Variants in OPCML observed in about 807,000 individuals in gnomAD.
The protein encoded by OPCML is opioid-binding protein/cell adhesion molecule.
Under a neutral mutation model 37.8 loss-of-function variants are expected in OPCML, and 13 were observed. The ratio of observed to expected loss-of-function variants is 0.34; its 90% CI spans 0.22 to 0.55. OPCML has a LOEUF of 0.55. Among genes scored for constraint, OPCML ranks in the 20% least tolerant of loss-of-function variants. OPCML has a pLI of 0.91. For missense variants in OPCML, 341 were observed against 435.6 expected (o/e 0.78, Z 1.93); for synonymous variants, 176 against 168.8 (o/e 1.04, Z -0.33).
At chr11:132,613,334 A>G (rs1169229458) in intron 3 of OPCML, among the ~76,000 whole-genome samples, 1 of 152,222 alleles carries the variant, frequency 6.6e-6, no homozygotes, top group East Asian at 1.9e-4. Flanking sequence ...AGGAATCTAA[A>G]TCGGGACATC....
At chr11:133,452,620 T>C (rs1195649058) in intron 1 of OPCML, among the ~76,000 whole-genome samples, 3 of 151,532 alleles carry the variant, frequency 2.0e-5, no homozygotes, top group Non-Finnish European at 4.4e-5. Context: ...AAGACCAGCC[T>C]GGGCAACATA....
Position 133,022,165 on chromosome 11 carries a change from C to T in OPCML, c.62-79155G>A, listed in dbSNP as rs145259425. On this transcript the variant is annotated intron_variant, in intron 1 of 7. Coordinates refer to ENST00000524381, the MANE Select transcript of OPCML (RefSeq NM_001012393.5). ...GGCAATTTTCTGCTGATGGAGATGA[C>T]ACATTTTTCTGGAGATAGTGGAGTT... 5.2e-3 allele frequency among the ~76,000 whole-genome samples: 789 copies of T among 152,176 alleles called. 5 individuals carry two copies. Among genetic ancestry groups the T allele is most frequent in the Middle Eastern group, 0.027 (8 of 292 alleles).
chr11:132,628,153 G>C (rs1467817701), intron 3 of OPCML, among the ~76,000 whole-genome samples: 1 of 152,116 alleles, frequency 6.6e-6, no homozygotes, highest in Non-Finnish European at 1.5e-5. Flanking sequence ...AGGAAGGTGA[G>C]ATGGGAGGGC....
intron 2 of OPCML, among the ~76,000 whole-genome samples, chr11:132,792,391 A>G (rs1937974759): frequency 6.6e-6 from 1 of 152,192 alleles, no homozygotes; most frequent in African/African-American, 2.4e-5. Flanking sequence ...AACTTTAACC[A>G]CATCTCCACA....
At chr11:132,929,090 G>T (rs562240517) in intron 2 of OPCML, among the ~76,000 whole-genome samples, 123 of 149,968 alleles carry the variant, frequency 8.2e-4, no homozygotes, top group Non-Finnish European at 1.4e-3. Context: ...GCAGAAGAAA[G>T]AAAATAATAA....
At chr11:132,527,534 T>C (rs979041535) in intron 4 of OPCML, among the ~76,000 whole-genome samples, 1 of 152,182 alleles carries the variant, frequency 6.6e-6, no homozygotes, top group Non-Finnish European at 1.5e-5. Context: ...TATCTTCTTT[T>C]GGAATTGCCC....
At chr11:132,446,882 C>T (rs955257316) in intron 4 of OPCML, among the ~76,000 whole-genome samples, 3 of 152,156 alleles carry the variant, frequency 2.0e-5, no homozygotes, top group Non-Finnish European at 2.9e-5. Flanking sequence ...GCAACCTACT[C>T]AAGCACAGCC....
At chr11:133,358,727 G>A (rs1051482722) in intron 1 of OPCML, among the ~76,000 whole-genome samples, 4 of 152,152 alleles carry the variant, frequency 2.6e-5, no homozygotes, top group Non-Finnish European at 4.4e-5. Flanking sequence ...ACAGGCTGAC[G>A]GGCAGTGCTA....
chr11:132,892,036 G>A lies in OPCML; in HGVS notation c.146+50890C>T, dbSNP rs557557999. On this transcript the variant is annotated intron_variant, in intron 2 of 7. Coordinates refer to ENST00000524381, the MANE Select transcript of OPCML (RefSeq NM_001012393.5). ...CACTCCCTCTGGCTCTTTTCCAACA[G>A]TGTTGAAGAATACTAAGTCGATGCA... is the stretch of plus-strand genomic sequence containing the variant. Among the ~76,000 whole-genome samples, 26 of 152,298 alleles carry A rather than the reference G, an allele frequency of 1.7e-4. No homozygotes were observed. In the South Asian group the frequency reaches 5.4e-3, roughly 32 times the overall value.
chr11:132,710,552 G>C (rs907884522), intron 2 of OPCML, among the ~76,000 whole-genome samples: 17 of 152,094 alleles, frequency 1.1e-4, no homozygotes, highest in African/African-American at 3.9e-4. Flanking sequence ...CTTTCATATT[G>C]ACTTTAAAAG....
At chr11:133,314,826 G>A (rs536920790) in intron 1 of OPCML, among the ~76,000 whole-genome samples, 116 of 152,298 alleles carry the variant, frequency 7.6e-4, no homozygotes, top group Admixed American at 7.3e-3. Flanking sequence ...CACTGCAGAC[G>A]GCAGAGAGAG....
intron 1 of OPCML, among the ~76,000 whole-genome samples, chr11:133,312,900 G>A (rs1268910784): frequency 6.6e-6 from 1 of 152,146 alleles, no homozygotes; most frequent in African/African-American, 2.4e-5. Flanking sequence ...GATGATTAAA[G>A]GATAGGCGGT....
At chr11:132,754,284 G>T (rs981980039) in intron 2 of OPCML, among the ~76,000 whole-genome samples, 8 of 152,264 alleles carry the variant, frequency 5.3e-5, no homozygotes, top group African/African-American at 1.9e-4. Flanking sequence ...TGTTGTGGAG[G>T]GACCCGATGG....
At chr11:133,262,485 G>C (rs1365459668) in intron 1 of OPCML, among the ~76,000 whole-genome samples, 1 of 152,162 alleles carries the variant, frequency 6.6e-6, no homozygotes, top group Admixed American at 6.5e-5. Flanking sequence ...GCCATGGGAT[G>C]GGAAATCAGA....
In OPCML at chr11:133,059,374, TA is replaced by T. The variant is rs1338257647; in HGVS notation, c.62-116365del. Among the ~76,000 whole-genome samples the T allele has an allele frequency of 3.9e-5, 6 of 152,198 alleles. No individual in the cohort carries two copies. The East Asian group carries it at 5.8e-4, about 15-fold the overall frequency. The stretch of plus-strand genomic sequence containing the variant: ...AGGGAGGTCAGAACTATTGTCAGGA[TA>T]ACATTAGGACATTATTTGCCTTCTT... On this transcript the variant is annotated intron_variant, in intron 1 of 7. Transcript: ENST00000524381.
chr11:133,084,084 G>A (rs1314258851), intron 1 of OPCML, among the ~76,000 whole-genome samples: 1 of 151,758 alleles, frequency 6.6e-6, no homozygotes, highest in Non-Finnish European at 1.5e-5. Context: ...TTTTTAACTG[G>A]CAAGCGGAGA....
intron 1 of OPCML, among the ~76,000 whole-genome samples, chr11:133,372,220 G>C (rs1170466547): frequency 1.3e-5 from 2 of 152,124 alleles, no homozygotes; most frequent in Admixed American, 6.6e-5. Flanking sequence ...TACTCAAAGC[G>C]ATGGTCACCC....
intron 2 of OPCML, among the ~76,000 whole-genome samples, chr11:132,692,687 G>A (rs1289683322): frequency 2.6e-5 from 4 of 152,158 alleles, no homozygotes; most frequent in African/African-American, 7.2e-5. Flanking sequence ...TTCATCCCAC[G>A]TGGTTAGAAT....
At chr11:132,471,639 C>T (rs762394684) in intron 4 of OPCML, among the ~76,000 whole-genome samples, 4 of 152,186 alleles carry the variant, frequency 2.6e-5, no homozygotes, top group African/African-American at 7.2e-5. Context: ...AAGACCAAGA[C>T]AGAAGCTGCA....
Sources: gnomAD v4.1 joint callset for allele counts (sites outside exome capture counted in the v4.1 genomes callset) on GRCh38, gnomAD v4.1.1 for gene constraint, MANE v1.5 for transcripts, NCBI Gene and HGNC (gene_info 2026-07-23, HGNC 2026-07-21) for gene names.